Variants in SLC47A2 observed in about 807,000 individuals in gnomAD.
SLC47A2 encodes the protein multidrug and toxin extrusion protein 2.
SLC47A2 carries 52 observed loss-of-function variants against 67.7 expected under a neutral mutation model. The ratio of observed to expected loss-of-function variants is 0.77; its 90% CI spans 0.61 to 0.97. SLC47A2 has a LOEUF of 0.97. Ranked by LOEUF, SLC47A2 falls within the 50% of genes least tolerant of loss-of-function variation. SLC47A2 has a pLI of 0.00. For synonymous variants in SLC47A2, 278 were observed against 292.9 expected (o/e 0.95, Z 0.52); for missense variants, 676 against 712.3 (o/e 0.95, Z 0.58).
At chr17:19,691,877 A>G (rs2085548901) in intron 13 of SLC47A2, among the ~76,000 whole-genome samples, 1 of 152,236 alleles carries the variant, frequency 6.6e-6, no homozygotes, top group Non-Finnish European at 1.5e-5. Context: ...TCTAATATGT[A>G]CCTATTAAGA....
intron 4 of SLC47A2, among the ~76,000 whole-genome samples, chr17:19,713,108 G>A (rs536569797): frequency 2.0e-5 from 3 of 152,310 alleles, no homozygotes; most frequent in Admixed American, 1.3e-4. Context: ...ATAAACTATA[G>A]GCCGGGTGCG....
intron 13 of SLC47A2, among the ~76,000 whole-genome samples, chr17:19,701,292 G>T (rs2085780831): frequency 6.6e-6 from 1 of 152,224 alleles, no homozygotes; most frequent in Admixed American, 6.5e-5. Context: ...CCCAGAGAGG[G>T]AATTTCTGCT....
intron 13 of SLC47A2, among the ~76,000 whole-genome samples, chr17:19,697,897 C>T (rs2085700484): frequency 6.6e-6 from 1 of 152,000 alleles, no homozygotes; most frequent in Non-Finnish European, 1.5e-5. Context: ...ACCTAGCCTA[C>T]TTAATTTTTA....
chr17:19,678,599 C>T lies in SLC47A2; in HGVS notation c.*87G>A. 3 of 1,379,336 alleles carry T rather than the reference C, an allele frequency of 2.2e-6. No homozygotes were observed. Among genetic ancestry groups the T allele is most frequent in the Non-Finnish European group, 2.0e-6 (2 of 976,560 alleles). The allele number at this position is 1,379,336 out of a possible 1,614,324, so 85.4% of individuals were successfully genotyped here. A position where few individuals can be genotyped will look rare whatever the true frequency, so the allele number is the denominator to read the frequency against. ...GTTCAAAGTGTCCACCTGCACTAGACCCCATTGGTGTTTTTGCAGGGCAGA... is the reference window on the plus strand; with the variant it reads ...GTTCAAAGTGTCCACCTGCACTAGATCCCATTGGTGTTTTTGCAGGGCAGA... On this transcript the variant is annotated 3_prime_UTR_variant, in exon 17 of 17. Transcript: ENST00000433844.
intron 8 of SLC47A2, 30 bp from the exon 9 acceptor site, chr17:19,706,791 C>T (rs35263947): frequency 0.29 from 457,063 of 1,556,340 alleles, 70,999 homozygotes; most frequent in South Asian, 0.42. Flanking sequence ...GAGCTGACAG[C>T]CTGCCCTGCT....
intron 5 of SLC47A2, among the ~76,000 whole-genome samples, chr17:19,710,967 A>G (rs1597637817): frequency 6.6e-6 from 1 of 150,650 alleles, no homozygotes; most frequent in East Asian, 2.0e-4. Flanking sequence ...GCGCCACCAC[A>G]CCCGGCTAAT....
At chr17:19,698,076 G>C (rs550978976) in intron 13 of SLC47A2, among the ~76,000 whole-genome samples, 153 of 152,256 alleles carry the variant, frequency 1.0e-3, no homozygotes, top group African/African-American at 3.5e-3. Flanking sequence ...CCATCCAGCA[G>C]CTTGTTTTGT....
Position 19,678,585 on chromosome 17 carries a change from C to T in SLC47A2, c.*101G>A. The T allele has an allele frequency of 8.1e-7, 1 of 1,236,764 alleles. No homozygotes were observed. The highest frequency in any genetic ancestry group is 1.3e-5 in the South Asian group (1 of 76,238). The allele number at this position is 1,236,764 out of a possible 1,614,324, so 76.6% of individuals were successfully genotyped here. A position where few individuals can be genotyped will look rare whatever the true frequency, so the allele number is the denominator to read the frequency against. ...TTTTTTGAGGAGTGGTTCAAAGTGTCCACCTGCACTAGACCCCATTGGTGT... is the reference window on the plus strand; with the variant it reads ...TTTTTTGAGGAGTGGTTCAAAGTGTTCACCTGCACTAGACCCCATTGGTGT... On this transcript the variant is annotated 3_prime_UTR_variant, in exon 17 of 17. Coordinates refer to ENST00000433844, the MANE Select transcript of SLC47A2 (RefSeq NM_001099646.3).
At chr17:19,683,389 G>T (rs908949022) in intron 13 of SLC47A2, among the ~76,000 whole-genome samples, 3 of 152,204 alleles carry the variant, frequency 2.0e-5, no homozygotes, top group Non-Finnish European at 4.4e-5. Flanking sequence ...CTGATTTAGA[G>T]TATTGTGAAT....
At chr17:19,683,195 C>A (rs1004535754) in intron 13 of SLC47A2, among the ~76,000 whole-genome samples, 1 of 152,066 alleles carries the variant, frequency 6.6e-6, no homozygotes, top group Non-Finnish European at 1.5e-5. Flanking sequence ...ATGGGGATGA[C>A]AAATTCTGGG....
intron 10 of SLC47A2, chr17:19,704,700 G>A (rs891186027): frequency 6.5e-6 from 10 of 1,549,616 alleles, no homozygotes; most frequent in Non-Finnish European, 8.7e-6. Context: ...TGTCTCTGTG[G>A]GGAGTAGAGG....
Position 19,706,749 on chromosome 17 carries a change from T to C in SLC47A2, c.740A>G (p.Gln247Arg). The C allele has an allele frequency of 1.2e-6, 2 of 1,607,010 alleles. No individual in the cohort carries two copies. The highest frequency in any genetic ancestry group is 1.7e-6 in the Non-Finnish European group (2 of 1,178,344). ...GAAGGGGCCCCAGTCCTGCAGGCAC[T>C]GGCTGGACCAACCTGGAAACAGAGG... ...HLETWAGWSSQCLQDWGPFFS... is the reference protein window; with the variant it reads ...HLETWAGWSSRCLQDWGPFFS... Residue 247 changes from glutamine (Q) to arginine (R), a missense_variant, in exon 9 of 17, where the codon CAG becomes CGG. Gln to Arg is a conservative substitution (Grantham distance 43, BLOSUM62 1). Transcript: ENST00000433844.
Position 19,702,596 on chromosome 17 carries a change from G to A in SLC47A2, c.1164+9C>T. ...AGGGAGTCAGGCTTTGGATCAAAGT[G>A]GTACTTACACAGATGGCCTCAAACA... is the stretch of plus-strand genomic sequence containing the variant. On this transcript the variant is annotated intron_variant, in intron 13 of 16. Transcript: ENST00000433844. 5 of 1,613,668 alleles carry A rather than the reference G, an allele frequency of 3.1e-6. No homozygotes were observed. Among genetic ancestry groups the A allele is most frequent in the Non-Finnish European group, 4.2e-6 (5 of 1,179,892 alleles).
At chr17:19,712,582 C>T in intron 5 of SLC47A2, 121 bp downstream of exon 5, 2 of 1,005,166 alleles carry the variant, frequency 2.0e-6, no homozygotes, top group Non-Finnish European at 1.5e-6. Flanking sequence ...TGTCAGTCAC[C>T]CTCATGGCCC....
At chr17:19,711,694 G>A (rs546847275) in intron 5 of SLC47A2, among the ~76,000 whole-genome samples, 29 of 151,820 alleles carry the variant, frequency 1.9e-4, no homozygotes, top group African/African-American at 5.8e-4. Context: ...TATGCTAGTG[G>A]AAGTTTTTGC....
intron 13 of SLC47A2, among the ~76,000 whole-genome samples, chr17:19,693,708 G>A (rs2085595673): frequency 6.6e-6 from 1 of 152,060 alleles, no homozygotes; most frequent in Non-Finnish European, 1.5e-5. Flanking sequence ...TGAGGCAGGA[G>A]ACTCGCTTGA....
intron 13 of SLC47A2, among the ~76,000 whole-genome samples, chr17:19,700,900 T>G (rs2085768255): frequency 6.6e-6 from 1 of 151,834 alleles, no homozygotes; most frequent in South Asian, 2.1e-4. Context: ...GTGCGGTGGC[T>G]CACACCTGTA....
At chr17:19,706,560 GA>G in intron 9 of SLC47A2, 87 bp downstream of exon 9, 3 of 1,124,590 alleles carry the variant, frequency 2.7e-6, no homozygotes, top group Non-Finnish European at 3.7e-6. Flanking sequence ...GGGCTTCTGG[GA>G]TGGGTGAGCC....
At chr17:19,703,666 T>C (rs2085848743) in intron 11 of SLC47A2, among the ~76,000 whole-genome samples, 1 of 152,162 alleles carries the variant, frequency 6.6e-6, no homozygotes, top group African/African-American at 2.4e-5. Context: ...GGTTGGCAGC[T>C]GCCAAGCTCA....
Sources: gnomAD v4.1 joint callset for allele counts (sites outside exome capture counted in the v4.1 genomes callset) on GRCh38, gnomAD v4.1.1 for gene constraint, MANE v1.5 for transcripts, NCBI Gene and HGNC (gene_info 2026-07-23, HGNC 2026-07-21) for gene names.